Variants in FMN1 observed in about 807,000 individuals in gnomAD.
FMN1 encodes the protein formin 1.
Under a neutral mutation model 132.4 loss-of-function variants are expected in FMN1, and 110 were observed. The observed-to-expected ratio is 0.83, with a 90% CI of 0.71 to 0.97. The LOEUF is 0.97. Ranked by LOEUF, FMN1 falls within the 50% of genes least tolerant of loss-of-function variation. The pLI is 0.00. For missense variants in FMN1, 1,792 were observed against 1,705.3 expected (o/e 1.05, Z -0.90); for synonymous variants, 722 against 651.7 (o/e 1.11, Z -1.64).
intron 4 of FMN1, among the ~76,000 whole-genome samples, chr15:33,143,461 C>T (rs1418430343): frequency 6.6e-6 from 1 of 152,104 alleles, no homozygotes; most frequent in African/African-American, 2.4e-5. Context: ...GTAACTGACC[C>T]AGGTATACAA....
Position 33,153,941 on chromosome 15 carries a change from G to T in FMN1, c.974C>A (p.Pro325His). 1 of 1,536,802 alleles carries T rather than the reference G, an allele frequency of 6.5e-7. No homozygotes were observed. The highest frequency in any genetic ancestry group is 8.7e-7 in the Non-Finnish European group (1 of 1,147,068). ...KPAKRTCKQKPVSKVVAKVQD... is the reference protein window; with the variant it reads ...KPAKRTCKQKHVSKVVAKVQD... The stretch of plus-strand genomic sequence containing the variant: ...AACTTTGGCCACCACTTTGGAGACA[G>T]GTTTCTGCTTGCAAGTCCGCTTAGC... The change falls in exon 4 of 21, where the codon CCT becomes CAT. Residue 325 changes from proline to histidine, a missense_variant. Pro to His is a moderately conservative substitution (Grantham distance 77, BLOSUM62 -2). This residue lies in a region of FMN1 where 638 missense variants were observed against 645.2 expected (regional missense o/e 0.99). Coordinates refer to ENST00000616417, the MANE Select transcript of FMN1 (RefSeq NM_001277313.2).
At chr15:32,819,876 T>C (rs1009112385) in intron 17 of FMN1, among the ~76,000 whole-genome samples, 2 of 152,200 alleles carry the variant, frequency 1.3e-5, no homozygotes, top group East Asian at 3.8e-4. Flanking sequence ...ATTTATATAA[T>C]GAAATTAAAA....
chr15:33,150,776 A>T (rs374642145), intron 4 of FMN1: 3 of 985,982 alleles, frequency 3.0e-6, no homozygotes, highest in African/African-American at 3.5e-5. Context: ...CAATAAAAAT[A>T]CCTAGATGTT....
chr15:33,148,025 A>G (rs1964295396), intron 4 of FMN1, among the ~76,000 whole-genome samples: 2 of 152,250 alleles, frequency 1.3e-5, no homozygotes, highest in South Asian at 2.1e-4. Context: ...ACTTTTAACA[A>G]TAAAAAGATG....
intron 1 of FMN1, 91 bp from the exon 2 acceptor site, chr15:33,194,151 A>G (rs1966180959): frequency 7.5e-6 from 1 of 133,856 alleles, no homozygotes; most frequent in African/African-American, 2.9e-5. Flanking sequence ...ATGCAATCCC[A>G]TTGTGGTGCT....
At chr15:32,797,676 A>G (rs1002858029) in intron 19 of FMN1, among the ~76,000 whole-genome samples, 2 of 152,156 alleles carry the variant, frequency 1.3e-5, no homozygotes, top group African/African-American at 4.8e-5. Context: ...TGATGGGAAG[A>G]TGTGTTGATA....
intron 13 of FMN1, among the ~76,000 whole-genome samples, chr15:32,901,228 C>A (rs1387932117): frequency 2.0e-5 from 3 of 152,136 alleles, no homozygotes; most frequent in Admixed American, 6.5e-5. Context: ...TCCTGCCTTT[C>A]AGGTATTATT....
intron 4 of FMN1, among the ~76,000 whole-genome samples, chr15:33,104,188 C>T (rs765551442): frequency 5.3e-5 from 8 of 152,088 alleles, no homozygotes; most frequent in Non-Finnish European, 1.2e-4. Context: ...TTGAGACTCA[C>T]ATTGGTAAGA....
chr15:32,994,265 C>T (rs996426531), intron 7 of FMN1, among the ~76,000 whole-genome samples: 3 of 151,914 alleles, frequency 2.0e-5, no homozygotes, highest in East Asian at 1.9e-4. Context: ...CACACACACA[C>T]GTAACCTGGG....
At chr15:32,963,117 G>C (rs1192377234) in intron 9 of FMN1, among the ~76,000 whole-genome samples, 4 of 149,578 alleles carry the variant, frequency 2.7e-5, no homozygotes, top group Non-Finnish European at 5.9e-5. Context: ...TGATAGACTG[G>C]ATTAAGAAAA....
chr15:33,163,766 C>T (rs868204031), intron 3 of FMN1, among the ~76,000 whole-genome samples: 1 of 151,828 alleles, frequency 6.6e-6, no homozygotes, highest in Non-Finnish European at 1.5e-5. Context: ...TACAGGCAGC[C>T]GCCATCATGC....
intron 7 of FMN1, among the ~76,000 whole-genome samples, chr15:32,989,547 C>T (rs1280639698): frequency 3.3e-5 from 5 of 152,200 alleles, no homozygotes; most frequent in African/African-American, 9.6e-5. Flanking sequence ...TGCAGTTTAG[C>T]CCCTTCACCC....
At chr15:33,126,735 A>T (rs1435402304) in intron 4 of FMN1, among the ~76,000 whole-genome samples, 1 of 151,990 alleles carries the variant, frequency 6.6e-6, no homozygotes, top group Admixed American at 6.6e-5. Flanking sequence ...GGCAGGCTGG[A>T]GCAGAAACTC....
At chr15:33,113,087 AC>A (rs766471540) in intron 4 of FMN1, among the ~76,000 whole-genome samples, 1 of 152,168 alleles carries the variant, frequency 6.6e-6, no homozygotes, top group African/African-American at 2.4e-5. Flanking sequence ...AGTGTTTAAC[AC>A]CCCCAAGGCA....
At chr15:32,826,478 G>A (rs1235482804) in intron 17 of FMN1, among the ~76,000 whole-genome samples, 3 of 152,168 alleles carry the variant, frequency 2.0e-5, no homozygotes, top group South Asian at 4.1e-4. Context: ...AATGTCATCA[G>A]ATCAAACCAA....
At chr15:32,957,458 T>G (rs1299176453) in intron 9 of FMN1, among the ~76,000 whole-genome samples, 1 of 152,030 alleles carries the variant, frequency 6.6e-6, no homozygotes, top group Admixed American at 6.6e-5. Context: ...CAGGGGAAAC[T>G]CTTTATCTTT....
At chr15:32,889,014 C>T (rs900774004) in intron 15 of FMN1, among the ~76,000 whole-genome samples, 1 of 152,006 alleles carries the variant, frequency 6.6e-6, no homozygotes, top group Admixed American at 6.6e-5. Context: ...GCCACCATAC[C>T]CAGCTAATTT....
chr15:32,993,472 A>G (rs1044815483), intron 7 of FMN1, among the ~76,000 whole-genome samples: 1 of 152,174 alleles, frequency 6.6e-6, no homozygotes, highest in Non-Finnish European at 1.5e-5. Flanking sequence ...AGTACAAGAA[A>G]CTGCCCCCTG....
chr15:32,833,363 C>A (rs1268694442), intron 17 of FMN1, among the ~76,000 whole-genome samples: 1 of 152,144 alleles, frequency 6.6e-6, no homozygotes, highest in East Asian at 1.9e-4. Context: ...ATAAGGGACT[C>A]ATCTGGAGAA....
Sources: allele counts gnomAD v4.1 joint callset (sites outside exome capture counted in the v4.1 genomes callset), GRCh38; gene constraint gnomAD v4.1.1; regional missense constraint gnomAD v4.1.1; transcripts MANE v1.5; gene names NCBI Gene and HGNC (gene_info 2026-07-23, HGNC 2026-07-21).